TRPS1: variants seen among roughly 807,000 people sequenced by gnomAD.
TRPS1 encodes zinc finger transcription factor Trps1.
A neutral mutation model predicts 101.2 loss-of-function variants in TRPS1; 6 were observed. The ratio of observed to expected loss-of-function variants is 0.06; its 90% CI spans 0.03 to 0.12. The LOEUF is 0.12. TRPS1 is among the 10% of genes least tolerant of loss of function. TRPS1 has a pLI of 1.00. For missense variants in TRPS1, 1,363 were observed against 1,567.0 expected, an observed-to-expected ratio of 0.87 and a Z score of 2.20; for synonymous variants, 578 against 589.8, an observed-to-expected ratio of 0.98 and a Z score of 0.29.
chr8:115,509,423 G>T (rs757924427), intron 5 of TRPS1, among the ~76,000 whole-genome samples: 3 of 152,022 alleles, frequency 2.0e-5, no homozygotes, highest in Non-Finnish European at 2.9e-5. Flanking sequence ...GAAGGGTTTG[G>T]TGAATATCTC....
Position 115,536,682 on chromosome 8 carries a change from C to CA in TRPS1, c.2700+50318dup, listed in dbSNP as rs550009185. Among the ~76,000 whole-genome samples, 699 of 151,946 alleles carry CA rather than the reference C, an allele frequency of 4.6e-3. 1 individual carries two copies. Among genetic ancestry groups the CA allele is most frequent in the Non-Finnish European group, 7.1e-3 (483 of 67,958 alleles). ...CCATAAATCCAGTTGGCAAATTTGC[C>CA]AACCTGTTCACTATCATCATCCCAG... On this transcript the variant is annotated intron_variant, in intron 5 of 6. Coordinates refer to ENST00000395715, the MANE Select transcript of TRPS1 (RefSeq NM_014112.5).
intron 5 of TRPS1, among the ~76,000 whole-genome samples, chr8:115,445,680 AACAGGC>A (rs1813715166): frequency 6.6e-6 from 1 of 152,202 alleles, no homozygotes; most frequent in Non-Finnish European, 1.5e-5. Context: ...ATTTAAGAAA[AACAGGC>A]ACACTAACTT....
intron 5 of TRPS1, among the ~76,000 whole-genome samples, chr8:115,554,014 T>C (rs1816761726): frequency 6.6e-6 from 1 of 152,204 alleles, no homozygotes; most frequent in African/African-American, 2.4e-5. Flanking sequence ...ATTCTTAAAA[T>C]GTATTTGTAT....
At chr8:115,565,206 AAGT>A (rs1817038461) in intron 5 of TRPS1, among the ~76,000 whole-genome samples, 1 of 152,136 alleles carries the variant, frequency 6.6e-6, no homozygotes, top group African/African-American at 2.4e-5. Context: ...TGTTTGCTGA[AAGT>A]AGTGCTGACA....
intron 3 of TRPS1, among the ~76,000 whole-genome samples, chr8:115,605,745 CAT>C (rs973742422): frequency 5.3e-5 from 8 of 152,184 alleles, no homozygotes; most frequent in Admixed American, 2.0e-4. Flanking sequence ...CAACTTCTCA[CAT>C]GAGTAGGTCA....
At chr8:115,475,269 TATATA>T (rs1814573747) in intron 5 of TRPS1, among the ~76,000 whole-genome samples, 3 of 12,130 alleles carry the variant, frequency 2.5e-4, no homozygotes, top group Admixed American at 1.1e-3. Context: ...ATCACAGTTA[TATATA>T]TATATATATA....
intron 3 of TRPS1, among the ~76,000 whole-genome samples, chr8:115,607,391 A>G (rs1818064073): frequency 6.6e-6 from 1 of 151,608 alleles, no homozygotes; most frequent in Non-Finnish European, 1.5e-5. Context: ...AAAACGAGTT[A>G]GGTCTTTGAA....
At position 115,494,208 on chromosome 8, in the gene TRPS1, T is replaced by C. The variant is rs145765011; in HGVS notation, c.2701-75756A>G. ...CAAAGACCTTTCTGAGCCAATAGCC[T>C]TGCAGCTAATCTGCTAATAGGAAAT... is the stretch of plus-strand genomic sequence containing the variant. On this transcript the variant is annotated intron_variant, in intron 5 of 6. Coordinates refer to ENST00000395715, the MANE Select transcript of TRPS1 (RefSeq NM_014112.5). 6.2e-3 allele frequency among the ~76,000 whole-genome samples: 943 copies of C among 152,342 alleles called. 5 individuals carry two copies. The highest frequency in any genetic ancestry group is 0.02 in the Middle Eastern group (6 of 294).
At chr8:115,456,780 T>C (rs1459089247) in intron 5 of TRPS1, among the ~76,000 whole-genome samples, 1 of 152,140 alleles carries the variant, frequency 6.6e-6, no homozygotes, top group East Asian at 1.9e-4. Context: ...TTCTTCTTTT[T>C]TTGATATGAT....
intron 5 of TRPS1, among the ~76,000 whole-genome samples, chr8:115,585,543 C>T (rs974598606): frequency 6.6e-6 from 1 of 152,106 alleles, no homozygotes; most frequent in Non-Finnish European, 1.5e-5. Flanking sequence ...AAACATAGGA[C>T]ATTTCATTCC....
intron 5 of TRPS1, among the ~76,000 whole-genome samples, chr8:115,441,569 C>T (rs993184552): frequency 2.0e-5 from 3 of 152,072 alleles, no homozygotes; most frequent in Non-Finnish European, 2.9e-5. Context: ...GTCTCCCTTC[C>T]GTCAACCACA....
intron 5 of TRPS1, among the ~76,000 whole-genome samples, chr8:115,485,240 T>A (rs1814849869): frequency 6.6e-6 from 1 of 152,176 alleles, no homozygotes; most frequent in Non-Finnish European, 1.5e-5. Flanking sequence ...GGCTTGACAG[T>A]GGTCTCCGGC....
chr8:115,477,178 T>C (rs1053101553), intron 5 of TRPS1, among the ~76,000 whole-genome samples: 4 of 152,038 alleles, frequency 2.6e-5, no homozygotes, highest in Non-Finnish European at 4.4e-5. Context: ...CTTCTAGATA[T>C]GGAATTAGAA....
intron 3 of TRPS1, among the ~76,000 whole-genome samples, chr8:115,614,127 G>A (rs1818228753): frequency 6.6e-6 from 1 of 152,096 alleles, no homozygotes; most frequent in Non-Finnish European, 1.5e-5. Flanking sequence ...TCTAACAGCT[G>A]CACGTATGCT....
chr8:115,481,560 T>C (rs1480188576), intron 5 of TRPS1, among the ~76,000 whole-genome samples: 1 of 152,176 alleles, frequency 6.6e-6, no homozygotes, highest in Non-Finnish European at 1.5e-5. Flanking sequence ...ATCAAAAAAC[T>C]AGGGCATAAA....
chr8:115,548,015 G>A (rs1249616420), intron 5 of TRPS1, among the ~76,000 whole-genome samples: 1 of 151,764 alleles, frequency 6.6e-6, no homozygotes, highest in Non-Finnish European at 1.5e-5. Flanking sequence ...GAACTGCTTG[G>A]GGTCAGGAGT....
intron 5 of TRPS1, among the ~76,000 whole-genome samples, chr8:115,577,667 T>C (rs917230702): frequency 6.6e-6 from 1 of 151,990 alleles, no homozygotes; most frequent in African/African-American, 2.4e-5. Context: ...ATATTATGCA[T>C]CAATAACAGA....
At chr8:115,442,407 T>G (rs190724625) in intron 5 of TRPS1, among the ~76,000 whole-genome samples, 4 of 152,246 alleles carry the variant, frequency 2.6e-5, no homozygotes, top group Admixed American at 2.6e-4. Flanking sequence ...GCAGTGAGGT[T>G]GATACTACTT....
At chr8:115,446,585 G>T (rs1813742390) in intron 5 of TRPS1, among the ~76,000 whole-genome samples, 1 of 152,028 alleles carries the variant, frequency 6.6e-6, no homozygotes, top group Admixed American at 6.6e-5. Flanking sequence ...CTCCACTCTT[G>T]GCCTGGTTTC....
Sources: gnomAD v4.1 joint callset for allele counts (sites outside exome capture counted in the v4.1 genomes callset) on GRCh38, gnomAD v4.1.1 for gene constraint, MANE v1.5 for transcripts, NCBI Gene and HGNC (gene_info 2026-07-23, HGNC 2026-07-21) for gene names.